The following PTPRQ variants were observed in gnomAD, a reference collection of about 807,000 sequenced individuals.
PTPRQ encodes protein tyrosine phosphatase receptor type Q.
Under a neutral mutation model 246.0 loss-of-function variants are expected in PTPRQ, and 199 were observed. The observed-to-expected ratio is 0.81, with a 90% CI of 0.72 to 0.91. The LOEUF (loss-of-function observed/expected upper bound fraction) is 0.91. PTPRQ is among the 40% of genes least tolerant of loss of function. PTPRQ has a pLI of 0.00. For missense variants in PTPRQ, 2,624 were observed against 2,528.4 expected, an observed-to-expected ratio of 1.04 and a Z score of -0.81; for synonymous variants, 869 against 853.2, an observed-to-expected ratio of 1.02 and a Z score of -0.32.
intron 35 of PTPRQ, among the ~76,000 whole-genome samples, chr12:80,648,365 T>C (rs915995167): frequency 6.6e-6 from 1 of 152,124 alleles, no homozygotes; most frequent in Non-Finnish European, 1.5e-5. Flanking sequence ...ATAAGTAATT[T>C]GGCCAATGAT....
intron 10 of PTPRQ, among the ~76,000 whole-genome samples, chr12:80,494,064 T>G (rs1471753302): frequency 2.0e-5 from 3 of 152,028 alleles, no homozygotes; most frequent in Non-Finnish European, 2.9e-5. Context: ...TTACCTTTTC[T>G]CTAATTTGGT....
chr12:80,527,313 CAA>C lies in PTPRQ; in HGVS notation c.2679-6700_2679-6699del, dbSNP rs768107060. 4.0e-5 allele frequency among the ~76,000 whole-genome samples: 6 copies of C among 151,830 alleles called. No individual in the cohort carries two copies. In the East Asian group the frequency reaches 9.6e-4, roughly 24 times the overall value. ...CATCTGAACACAATTTAATTTACACCAAAGTTATTTAATTCATTATTATACTA... is the reference window on the plus strand; with the variant it reads ...CATCTGAACACAATTTAATTTACACCAGTTATTTAATTCATTATTATACTA... On this transcript the variant is annotated intron_variant, in intron 17 of 44. Transcript: ENST00000644991.
Position 80,613,636 on chromosome 12 carries a change from GA to G in PTPRQ, c.4964del (p.Asp1655ValfsTer8). On this transcript the variant is annotated frameshift_variant, in exon 29 of 45. Coordinates refer to ENST00000644991, the MANE Select transcript of PTPRQ (RefSeq NM_001145026.2). LOFTEE classifies it high-confidence loss of function. ...PNNMTFQKIP[D>X]EVTKFQLTFL... ...CAACATGACATTTCAGAAGATACCA[GA>G]TGAAGTTACAAAATTTCAATTAACG... 6.5e-7 allele frequency: 1 copy of G among 1,545,288 alleles called. No homozygotes were observed. The highest frequency in any genetic ancestry group is 1.4e-5 in the African/African-American group (1 of 72,536).
rs183877630 is a variant in PTPRQ, at chr12:80,676,395, C to T, written c.6739-2207C>T. 2.8e-4 allele frequency among the ~76,000 whole-genome samples: 43 copies of T among 152,300 alleles called. No homozygotes were observed. The East Asian group carries it at 7.5e-3, about 27-fold the overall frequency. ...CGGTGGCTTATGCCTGTAATCCCAG[C>T]ACTTTGGGAGGCCAAGGTGGGCGGA... On this transcript the variant is annotated intron_variant, in intron 43 of 44. Transcript: ENST00000644991.
At chr12:80,613,887 G>C (rs991056879) in intron 29 of PTPRQ, 51 bp downstream of exon 29, 15 of 1,433,346 alleles carry the variant, frequency 1.0e-5, no homozygotes, top group Admixed American at 3.0e-5. Flanking sequence ...GTCAGTTTAT[G>C]AACTTGGCAT....
intron 6 of PTPRQ, among the ~76,000 whole-genome samples, chr12:80,466,278 A>G (rs1179873745): frequency 1.3e-5 from 2 of 152,220 alleles, no homozygotes; most frequent in Non-Finnish European, 2.9e-5. Flanking sequence ...AGAATAAAAT[A>G]CCTAGGAATC....
intron 35 of PTPRQ, among the ~76,000 whole-genome samples, chr12:80,641,448 T>C (rs1899851848): frequency 6.6e-6 from 1 of 152,224 alleles, no homozygotes; most frequent in Non-Finnish European, 1.5e-5. Context: ...CCTGATAGTC[T>C]GGTTAACCAT....
intron 9 of PTPRQ, among the ~76,000 whole-genome samples, chr12:80,491,206 A>G (rs960188005): frequency 2.0e-5 from 3 of 152,082 alleles, no homozygotes; most frequent in African/African-American, 7.2e-5. Context: ...GAAAATATTG[A>G]GAGATTTAAT....
intron 35 of PTPRQ, among the ~76,000 whole-genome samples, chr12:80,642,855 G>T (rs1899918553): frequency 7.0e-6 from 1 of 142,622 alleles, no homozygotes; most frequent in Non-Finnish European, 1.5e-5. Context: ...GGGAGGCGGA[G>T]CTTGCAGTGA....
At chr12:80,530,601 G>A (rs886491338) in intron 17 of PTPRQ, among the ~76,000 whole-genome samples, 6 of 152,072 alleles carry the variant, frequency 3.9e-5, no homozygotes, top group African/African-American at 9.7e-5. Flanking sequence ...GTTTATTTTT[G>A]TGATTATTTG....
At chr12:80,504,066 G>A (rs1894881453) in intron 14 of PTPRQ, among the ~76,000 whole-genome samples, 1 of 151,498 alleles carries the variant, frequency 6.6e-6, no homozygotes, top group African/African-American at 2.4e-5. Flanking sequence ...TTGATCTGAT[G>A]TTTGATGTCG....
chr12:80,575,737 G>A (rs1319861058), intron 25 of PTPRQ, among the ~76,000 whole-genome samples: 1 of 151,290 alleles, frequency 6.6e-6, no homozygotes, highest in Admixed American at 6.6e-5. Flanking sequence ...TGCTCAGGAG[G>A]GTGAGGTGGG....
intron 34 of PTPRQ, among the ~76,000 whole-genome samples, chr12:80,632,983 A>C (rs556633129): frequency 1.3e-5 from 2 of 152,320 alleles, no homozygotes; most frequent in South Asian, 4.1e-4. Context: ...ACAATAATGC[A>C]GGATTGGATC....
At chr12:80,652,906 T>G in intron 38 of PTPRQ, 72 bp downstream of exon 38, 1 of 1,371,768 alleles carries the variant, frequency 7.3e-7, no homozygotes, top group African/African-American at 1.5e-5. Context: ...CTTTTTTGTT[T>G]CCTTAATATA....
intron 8 of PTPRQ, among the ~76,000 whole-genome samples, chr12:80,479,310 A>T (rs1893943197): frequency 6.6e-6 from 1 of 150,538 alleles, no homozygotes; most frequent in Non-Finnish European, 1.5e-5. Context: ...AAAATACTTT[A>T]CAGACAAGCA....
intron 26 of PTPRQ, among the ~76,000 whole-genome samples, chr12:80,596,003 A>G (rs1432896926): frequency 1.3e-5 from 2 of 152,114 alleles, no homozygotes; most frequent in Non-Finnish European, 1.5e-5. Flanking sequence ...GGAAAATAAT[A>G]AATGTCCATT....
intron 26 of PTPRQ, among the ~76,000 whole-genome samples, chr12:80,600,247 T>A (rs1379441166): frequency 6.6e-6 from 1 of 151,822 alleles, no homozygotes; most frequent in African/African-American, 2.4e-5. Context: ...GATCTTTGAA[T>A]GTCATTTTTC....
intron 17 of PTPRQ, among the ~76,000 whole-genome samples, chr12:80,520,163 T>C (rs983170030): frequency 2.0e-5 from 3 of 151,976 alleles, no homozygotes; most frequent in Admixed American, 6.6e-5. Context: ...TTTGGTTGTG[T>C]CCCCACCCAA....
In PTPRQ at chr12:80,564,071, C is replaced by A. The variant is rs552191814; in HGVS notation, c.4285+14337C>A. Among the ~76,000 whole-genome samples the A allele has an allele frequency of 1.1e-4, 16 of 151,686 alleles. 2 individuals are homozygous for A. Among genetic ancestry groups the A allele is most frequent in the African/African-American group, 3.9e-4 (16 of 41,414 alleles). On this transcript the variant is annotated intron_variant, in intron 25 of 44. Transcript: ENST00000644991. ...TTTTTAAATTTTTAGCTAGAGAGAG[C>A]AGATTTTTTTTCTTTTATTTATTTA...
Sources: allele counts gnomAD v4.1 joint callset (sites outside exome capture counted in the v4.1 genomes callset), GRCh38; gene constraint gnomAD v4.1.1; transcripts MANE v1.5; gene names NCBI Gene and HGNC (gene_info 2026-07-23, HGNC 2026-07-21).